Variants in GALNTL6 observed in about 807,000 individuals in gnomAD.
GALNTL6 encodes the protein polypeptide N-acetylgalactosaminyltransferase like 6.
A neutral mutation model predicts 73.7 loss-of-function variants in GALNTL6; 46 were observed. The observed-to-expected ratio is 0.62, with a 90% CI of 0.49 to 0.80. The LOEUF is 0.80. GALNTL6 is among the 30% of genes least tolerant of loss of function. GALNTL6 has a pLI of 0.00. For missense variants in GALNTL6, 604 were observed against 755.0 expected, an observed-to-expected ratio of 0.80 and a Z score of 2.34; for synonymous variants, 259 against 263.7, an observed-to-expected ratio of 0.98 and a Z score of 0.17.
intron 2 of GALNTL6, among the ~76,000 whole-genome samples, chr4:171,889,113 T>C (rs1736687801): frequency 6.6e-6 from 1 of 151,908 alleles, no homozygotes; most frequent in South Asian, 2.1e-4. Flanking sequence ...TTAATAGATG[T>C]CAGTAGGGTA....
At chr4:172,118,649 G>A (rs1367777458) in intron 2 of GALNTL6, among the ~76,000 whole-genome samples, 3 of 151,444 alleles carry the variant, frequency 2.0e-5, no homozygotes, top group Non-Finnish European at 2.9e-5. Flanking sequence ...GCAGTGAGCC[G>A]AGATTGTGCC....
At chr4:172,324,996 T>C (rs1299652255) in intron 4 of GALNTL6, among the ~76,000 whole-genome samples, 1 of 150,770 alleles carries the variant, frequency 6.6e-6, no homozygotes, top group East Asian at 1.9e-4. Context: ...GTAAAGTAAG[T>C]ACAAAGAAGG....
chr4:171,967,562 G>A (rs944017666), intron 2 of GALNTL6, among the ~76,000 whole-genome samples: 2 of 150,018 alleles, frequency 1.3e-5, no homozygotes, highest in African/African-American at 4.9e-5. Context: ...ATCAGCTGGT[G>A]CATTTCATGT....
chr4:172,827,898 G>A (rs969018989), intron 7 of GALNTL6, among the ~76,000 whole-genome samples: 2 of 151,866 alleles, frequency 1.3e-5, no homozygotes, highest in African/African-American at 4.8e-5. Context: ...AAGTGGTAGA[G>A]CAAGGAATAA....
chr4:172,415,001 T>C (rs1744575268), intron 5 of GALNTL6, among the ~76,000 whole-genome samples: 1 of 152,194 alleles, frequency 6.6e-6, no homozygotes, highest in South Asian at 2.1e-4. Context: ...TTCTTTTAAT[T>C]TAGGCTTGTT....
At chr4:172,080,037 A>C (rs180814767) in intron 2 of GALNTL6, among the ~76,000 whole-genome samples, 1 of 152,236 alleles carries the variant, frequency 6.6e-6, no homozygotes, top group African/African-American at 2.4e-5. Flanking sequence ...TACATGTTTT[A>C]CCATAAAATA....
intron 2 of GALNTL6, among the ~76,000 whole-genome samples, chr4:172,092,586 A>G (rs977838620): frequency 6.6e-6 from 1 of 152,104 alleles, no homozygotes; most frequent in African/African-American, 2.4e-5. Context: ...AAAATCACAG[A>G]TCACTATAAA....
intron 3 of GALNTL6, among the ~76,000 whole-genome samples, chr4:172,291,924 C>T (rs561735531): frequency 3.3e-5 from 5 of 151,898 alleles, no homozygotes; most frequent in Non-Finnish European, 1.5e-5. Flanking sequence ...TAAAAATAAC[C>T]ATAGTTAGGG....
intron 2 of GALNTL6, among the ~76,000 whole-genome samples, chr4:171,847,288 T>C (rs183501027): frequency 1.3e-5 from 2 of 152,302 alleles, no homozygotes; most frequent in African/African-American, 4.8e-5. Context: ...CTATTAAGTA[T>C]ACAATAGCAT....
intron 5 of GALNTL6, among the ~76,000 whole-genome samples, chr4:172,740,640 G>GC (rs1560919030): frequency 2.6e-5 from 4 of 152,076 alleles, no homozygotes; most frequent in Non-Finnish European, 4.4e-5. Flanking sequence ...CTCTCATATT[G>GC]TAAACAAGAG....
At chr4:173,014,176 G>A (rs750981895) in intron 11 of GALNTL6, among the ~76,000 whole-genome samples, 6 of 152,176 alleles carry the variant, frequency 3.9e-5, no homozygotes, top group Non-Finnish European at 8.8e-5. Flanking sequence ...TGACTAACGT[G>A]GTTTCTGTGA....
chr4:172,484,815 A>T (rs1025946148), intron 5 of GALNTL6, among the ~76,000 whole-genome samples: 2 of 152,192 alleles, frequency 1.3e-5, no homozygotes, highest in African/African-American at 2.4e-5. Flanking sequence ...GTATTTTTAG[A>T]TAGTGACAGA....
chr4:172,940,821 C>T (rs1005435760), intron 9 of GALNTL6, among the ~76,000 whole-genome samples: 8 of 152,056 alleles, frequency 5.3e-5, no homozygotes, highest in Non-Finnish European at 8.8e-5. Flanking sequence ...TACAGGCACA[C>T]GCCATCATGC....
intron 2 of GALNTL6, among the ~76,000 whole-genome samples, chr4:172,105,448 G>GT (rs977464986): frequency 3.3e-5 from 5 of 151,348 alleles, no homozygotes; most frequent in African/African-American, 7.3e-5. Context: ...ATAACATAAA[G>GT]TTTTTTTTTA....
At chr4:172,364,241 A>G (rs1482823294) in intron 5 of GALNTL6, among the ~76,000 whole-genome samples, 1 of 152,158 alleles carries the variant, frequency 6.6e-6, no homozygotes, top group Non-Finnish European at 1.5e-5. Context: ...TGGGTAAAAT[A>G]GCAAGAGTCT....
chr4:172,329,125 G>T (rs1296116562), intron 4 of GALNTL6, among the ~76,000 whole-genome samples: 1 of 152,186 alleles, frequency 6.6e-6, no homozygotes, highest in Non-Finnish European at 1.5e-5. Flanking sequence ...TTTTCTTGAG[G>T]TGGGTGCTCT....
chr4:171,948,888 G>A (rs569962710), intron 2 of GALNTL6, among the ~76,000 whole-genome samples: 1 of 151,894 alleles, frequency 6.6e-6, no homozygotes, highest in South Asian at 2.1e-4. Context: ...TGTCCCATAT[G>A]AGAAAAAAGT....
At chr4:172,665,940 CT>C (rs1579309434) in intron 5 of GALNTL6, among the ~76,000 whole-genome samples, 2 of 152,042 alleles carry the variant, frequency 1.3e-5, no homozygotes, top group African/African-American at 2.4e-5. Flanking sequence ...AAACAGAAAA[CT>C]TTTTTACCTC....
chr4:172,662,813 G>GT (rs1393938042), intron 5 of GALNTL6, among the ~76,000 whole-genome samples: 1 of 152,168 alleles, frequency 6.6e-6, no homozygotes, highest in Non-Finnish European at 1.5e-5. Context: ...TCAGATGGTG[G>GT]TAAAAAGTAA....
Sources: allele counts gnomAD v4.1 joint callset (sites outside exome capture counted in the v4.1 genomes callset), GRCh38; gene constraint gnomAD v4.1.1; transcripts MANE v1.5; gene names NCBI Gene and HGNC (gene_info 2026-07-23, HGNC 2026-07-21).